The following EHMT1 variants were observed in gnomAD, a reference collection of about 807,000 sequenced individuals.
EHMT1 encodes euchromatic histone lysine methyltransferase 1.
Under a neutral mutation model 147.2 loss-of-function variants are expected in EHMT1, and 15 were observed. The ratio of observed to expected loss-of-function variants is 0.10; its 90% confidence interval spans 0.07 to 0.16. EHMT1 has a LOEUF of 0.16. Ranked by LOEUF, EHMT1 falls within the 10% of genes least tolerant of loss-of-function variation. The probability of loss-of-function intolerance (pLI) is 1.00; values close to 1 mark genes in which losing one functional copy is unlikely to be tolerated. For synonymous variants in EHMT1, 795 were observed against 709.6 expected, an observed-to-expected ratio of 1.12 and a Z score of -1.91; for missense variants, 1,587 against 1,772.4, an observed-to-expected ratio of 0.90 and a Z score of 1.88.
intron 16 of EHMT1, among the ~76,000 whole-genome samples, chr9:137,797,461 C>T (rs1271639054): frequency 1.3e-5 from 2 of 152,150 alleles, no homozygotes; most frequent in Non-Finnish European, 1.5e-5. Flanking sequence ...TTCAGAAGTG[C>T]TTGCCCAAGG....
At chr9:137,759,740 G>A (rs1420621547) in intron 9 of EHMT1, among the ~76,000 whole-genome samples, 3 of 152,200 alleles carry the variant, frequency 2.0e-5, no homozygotes, top group South Asian at 2.1e-4. Flanking sequence ...AGAGACAGGC[G>A]GTGCGCCCAC....
chr9:137,814,872 G>A (rs1954795793), intron 22 of EHMT1: 1 of 421,754 alleles, frequency 2.4e-6, no homozygotes, highest in South Asian at 2.2e-5. Flanking sequence ...TGAAGAGGGA[G>A]GGTGCTGCCG....
chr9:137,800,873 C>G lies in EHMT1; in HGVS notation c.2608-7C>G. ...AGCGATGACAGCTTTGTCCTCTTCC[C>G]TGGCAGGATGACGGAGGCTGGACAC... is the stretch of plus-strand genomic sequence containing the variant. On this transcript the variant is annotated splice_polypyrimidine_tract_variant and splice_region_variant and intron_variant, in intron 17 of 26. Transcript: ENST00000460843. 1 of 1,613,914 alleles carries G rather than the reference C, an allele frequency of 6.2e-7. No homozygotes were observed. Among genetic ancestry groups the G allele is most frequent in the Non-Finnish European group, 8.5e-7 (1 of 1,179,818 alleles).
chr9:137,656,769 T>A (rs536978972), intron 1 of EHMT1, among the ~76,000 whole-genome samples: 1 of 152,160 alleles, frequency 6.6e-6, no homozygotes, highest in Admixed American at 6.5e-5. Context: ...TGAGACAGCG[T>A]CTCGCTATTC....
intron 14 of EHMT1, among the ~76,000 whole-genome samples, chr9:137,780,079 G>A (rs1462460622): frequency 6.7e-6 from 1 of 150,210 alleles, no homozygotes; most frequent in East Asian, 2.0e-4. Context: ...ACGCTGAGAT[G>A]TATGGTGATG....
rs1008257712 is a variant in EHMT1 at position 137,715,797 on chromosome 9, G to T, written c.86-829G>T. The T allele has an allele frequency of 1.6e-5, 16 of 985,256 alleles. No homozygotes were observed. In the African/African-American group the frequency reaches 2.8e-4, roughly 17 times the overall value. The allele number at this position is 985,256 out of a possible 1,614,324, so 61.0% of individuals were successfully genotyped here. ...TTTTTCTGACCCATTTTCTCTGTTA[G>T]TTATTGTGAAGCCTCTTCTGAAGCC... On this transcript the variant is annotated intron_variant, in intron 2 of 26. Coordinates refer to ENST00000460843, the MANE Select transcript of EHMT1 (RefSeq NM_024757.5).
At chr9:137,760,997 ACT>A (rs1198674857) in intron 9 of EHMT1, among the ~76,000 whole-genome samples, 1 of 152,124 alleles carries the variant, frequency 6.6e-6, no homozygotes, top group Non-Finnish European at 1.5e-5. Context: ...ACAGAGCGAG[ACT>A]CTGGCTCAGA....
intron 10 of EHMT1, chr9:137,763,657 G>A (rs1950013143): frequency 6.5e-6 from 1 of 153,592 alleles, no homozygotes. Flanking sequence ...CATTGTGGAA[G>A]TAAGTGAGCT....
At chr9:137,753,226 G>C (rs553581279) in intron 7 of EHMT1, among the ~76,000 whole-genome samples, 1 of 152,134 alleles carries the variant, frequency 6.6e-6, no homozygotes, top group Non-Finnish European at 1.5e-5. Context: ...GTGGCTCACG[G>C]TGTGGGCTCA....
chr9:137,754,214 G>A lies in EHMT1; in HGVS notation c.1292G>A (p.Gly431Glu). ...AAGAAGAAATTTCTCAAGAGGAAAG[G>A]AAAGACCGACAGTCCCTGGATCAAG... ...SIKKKFLKRK[G>E]KTDSPWIKPA... The change falls in exon 8 of 27, where the codon GGA (glycine) becomes GAA (glutamate). Residue 431 changes from glycine to glutamate, a missense_variant. This residue lies in a region of EHMT1 where 810 missense variants were observed against 673.0 expected (regional missense o/e 1.20). Transcript: ENST00000460843. 6.2e-7 allele frequency: 1 copy of A among 1,614,142 alleles called. No homozygotes were observed. The highest frequency in any genetic ancestry group is 1.3e-5 in the African/African-American group (1 of 75,028).
Position 137,768,529 on chromosome 9 carries a change from ATTTTTTTTTTTTTTTTTTTTTT to A in EHMT1, c.1647+5726_1647+5747del, listed in dbSNP as rs947901899. Among the ~76,000 whole-genome samples, 6 of 18,286 alleles carry A rather than the reference ATTTTTTTTTTTTTTTTTTTTTT, an allele frequency of 3.3e-4. 1 individual carries two copies. The East Asian group carries it at 9.7e-3, about 30-fold the overall frequency. The allele number at this position is 18,286 out of a possible 152,430, so 12.0% of individuals were successfully genotyped here. On this transcript the variant is annotated intron_variant, in intron 10 of 26. Transcript: ENST00000460843. ...CCACCACGCCCGGCTAATTTTTTGT[ATTTTTTTTTTTTTTTTTTTTTT>A]TTTTTTTTTTTTTTTTGAGACGGAG...
At chr9:137,748,301 C>T (rs1362675604) in intron 6 of EHMT1, among the ~76,000 whole-genome samples, 3 of 152,280 alleles carry the variant, frequency 2.0e-5, no homozygotes, top group South Asian at 2.1e-4. Context: ...TATTAACAAA[C>T]GTTCTTTATG....
chr9:137,800,796 C>T, intron 17 of EHMT1, 84 bp from the exon 18 acceptor site: 1 of 1,227,892 alleles, frequency 8.1e-7, no homozygotes. Flanking sequence ...CTGGGAGGTG[C>T]AGAGACCTCG....
At chr9:137,780,030 C>T (rs1463564940) in intron 14 of EHMT1, among the ~76,000 whole-genome samples, 1 of 146,658 alleles carries the variant, frequency 6.8e-6, no homozygotes, top group East Asian at 1.9e-4. Context: ...AGTTGTGGCC[C>T]TGAGATGTGT....
chr9:137,716,657 A>G lies in EHMT1; in HGVS notation c.117A>G (p.Ala39=). The G allele has an allele frequency of 3.1e-6, 5 of 1,590,754 alleles. No individual in the cohort carries two copies. Among genetic ancestry groups the G allele is most frequent in the Non-Finnish European group, 4.3e-6 (5 of 1,165,626 alleles). The part of the protein sequence containing the change: ...ETPMAADEGS[A]EKQAGEAHMA... ...CTATGGCTGCCGATGAAGGCTCAGC[A>G]GAGAAACAGGCAGGAGAGGCCCACA... The change falls in exon 3 of 27, where the codon GCA becomes GCG. Residue 39 remains alanine, a synonymous_variant. Transcript: ENST00000460843.
chr9:137,780,210 G>GGTGATGACGCTGAGAT (rs1564745801), intron 14 of EHMT1, among the ~76,000 whole-genome samples: 2 of 149,020 alleles, frequency 1.3e-5, no homozygotes, highest in Admixed American at 1.3e-4. Context: ...TGAGATGTGT[G>GGTGATGACGCTGAGAT]GTGATGACGC....
intron 1 of EHMT1, among the ~76,000 whole-genome samples, chr9:137,647,737 C>T (rs1029186090): frequency 2.6e-5 from 4 of 151,750 alleles, no homozygotes; most frequent in Admixed American, 6.6e-5. Flanking sequence ...TGGCATTACA[C>T]GCGTGCGCCA....
intron 25 of EHMT1, among the ~76,000 whole-genome samples, chr9:137,831,402 T>C (rs1043274690): frequency 6.6e-6 from 1 of 152,226 alleles, no homozygotes; most frequent in African/African-American, 2.4e-5. Flanking sequence ...TTTTGGGGCA[T>C]TCAGGTTGAT....
chr9:137,741,676 C>T (rs914288231), intron 4 of EHMT1, among the ~76,000 whole-genome samples: 5 of 152,182 alleles, frequency 3.3e-5, no homozygotes, highest in East Asian at 1.9e-4. Context: ...TACCAAAATC[C>T]GAGCATGCTG....
Sources: allele counts gnomAD v4.1 joint callset (sites outside exome capture counted in the v4.1 genomes callset), GRCh38; gene constraint gnomAD v4.1.1; regional missense constraint gnomAD v4.1.1; transcripts MANE v1.5; gene names NCBI Gene and HGNC (gene_info 2026-07-23, HGNC 2026-07-21).